NKAIN2: variants seen among roughly 807,000 people sequenced by gnomAD.
NKAIN2 encodes the protein sodium/potassium-transporting ATPase subunit beta-1-interacting protein 2.
Under a neutral mutation model 32.6 loss-of-function variants are expected in NKAIN2, and 14 were observed. The ratio of observed to expected loss-of-function variants is 0.43; its 90% CI spans 0.28 to 0.67. The LOEUF (loss-of-function observed/expected upper bound fraction) is 0.67, where lower values mean the gene tolerates loss of function less well. Among genes scored for constraint, NKAIN2 ranks in the 30% least tolerant of loss-of-function variants. The pLI, the probability that NKAIN2 is intolerant of heterozygous loss-of-function variation, is 0.17. For missense variants in NKAIN2, 198 were observed against 258.3 expected (o/e 0.77, Z 1.60); for synonymous variants, 80 against 87.2 (o/e 0.92, Z 0.46).
chr6:124,336,461 A>G lies in NKAIN2; in HGVS notation c.193-18806A>G, dbSNP rs1255614516. Among the ~76,000 whole-genome samples, 6 of 152,232 alleles carry G rather than the reference A, an allele frequency of 3.9e-5. No individual in the cohort carries two copies. The South Asian group carries it at 1.0e-3, about 26-fold the overall frequency. ...TTTTTCTCCTGCCTAGTGCCTTTCT[A>G]TGTGTCTAATGTGTTACTTTGTGGG... is the stretch of plus-strand genomic sequence containing the variant. On this transcript the variant is annotated intron_variant, in intron 2 of 6. Coordinates refer to ENST00000368417, the MANE Select transcript of NKAIN2 (RefSeq NM_001040214.3).
At chr6:123,873,928 TTTG>T (rs1773036923) in intron 1 of NKAIN2, among the ~76,000 whole-genome samples, 1 of 150,288 alleles carries the variant, frequency 6.7e-6, no homozygotes, top group Non-Finnish European at 1.5e-5. Flanking sequence ...CCTTTTCCTG[TTTG>T]TTTATTTATT....
At chr6:124,200,468 C>A (rs2114623164) in intron 1 of NKAIN2, among the ~76,000 whole-genome samples, 1 of 152,138 alleles carries the variant, frequency 6.6e-6, no homozygotes, top group South Asian at 2.1e-4. Flanking sequence ...GCTGTGAGTT[C>A]ATCATCATTA....
At chr6:124,414,646 G>A (rs1022158190) in intron 3 of NKAIN2, among the ~76,000 whole-genome samples, 4 of 151,802 alleles carry the variant, frequency 2.6e-5, no homozygotes, top group African/African-American at 9.7e-5. Flanking sequence ...TTTATTTTTG[G>A]GAAAATTTTT....
At chr6:124,496,409 A>G (rs1778065040) in intron 3 of NKAIN2, among the ~76,000 whole-genome samples, 1 of 152,182 alleles carries the variant, frequency 6.6e-6, no homozygotes, top group South Asian at 2.1e-4. Flanking sequence ...GTAGGTACCA[A>G]GGAAGATATA....
At chr6:123,860,653 T>C (rs776252975) in intron 1 of NKAIN2, among the ~76,000 whole-genome samples, 2 of 152,204 alleles carry the variant, frequency 1.3e-5, no homozygotes, top group African/African-American at 4.8e-5. Context: ...CCAAGTATTC[T>C]GTCCCCCTTG....
chr6:123,837,307 T>A (rs1272800101), intron 1 of NKAIN2, among the ~76,000 whole-genome samples: 1 of 152,100 alleles, frequency 6.6e-6, no homozygotes, highest in African/African-American at 2.4e-5. Flanking sequence ...CAAATAGGAT[T>A]TCCAATTATT....
At chr6:124,373,108 G>A (rs1027129676) in intron 3 of NKAIN2, among the ~76,000 whole-genome samples, 4 of 152,144 alleles carry the variant, frequency 2.6e-5, no homozygotes, top group Non-Finnish European at 4.4e-5. Context: ...TTTTGGCTTT[G>A]ATTGAGAAAG....
chr6:124,103,883 C>G (rs35739326), intron 1 of NKAIN2, among the ~76,000 whole-genome samples: 1 of 151,956 alleles, frequency 6.6e-6, no homozygotes, highest in African/African-American at 2.4e-5. Context: ...ATCAGGAGAT[C>G]GAGACCATCC....
chr6:124,290,510 ATGTGTGTGTGTGTGTGTGTGTGTGTG>A (rs56389666), intron 2 of NKAIN2, among the ~76,000 whole-genome samples: 1 of 137,786 alleles, frequency 7.3e-6, no homozygotes, highest in East Asian at 2.2e-4. Flanking sequence ...TACCTCAGAA[ATGTGTGTGTGTGTGTGTGTGTGTGTG>A]TGTGTGTGTG....
At chr6:124,286,684 G>A (rs1398993521) in intron 2 of NKAIN2, among the ~76,000 whole-genome samples, 10 of 104,720 alleles carry the variant, frequency 9.5e-5, no homozygotes, top group African/African-American at 9.2e-4. Flanking sequence ...GCGCGCGCGT[G>A]TGTGTGTGTG....
intron 3 of NKAIN2, among the ~76,000 whole-genome samples, chr6:124,650,576 A>G (rs188109219): frequency 6.6e-6 from 1 of 152,282 alleles, no homozygotes; most frequent in East Asian, 1.9e-4. Flanking sequence ...ACAGGGAGAT[A>G]TATGAGGGGA....
At chr6:124,582,774 T>G (rs1781569914) in intron 3 of NKAIN2, among the ~76,000 whole-genome samples, 1 of 152,208 alleles carries the variant, frequency 6.6e-6, no homozygotes, top group Non-Finnish European at 1.5e-5. Context: ...TCATTCATCA[T>G]GATCGAGTGG....
chr6:124,459,085 G>A (rs374564891), intron 3 of NKAIN2, among the ~76,000 whole-genome samples: 21 of 151,886 alleles, frequency 1.4e-4, no homozygotes, highest in East Asian at 1.4e-3. Flanking sequence ...ATGTGGGTAC[G>A]CTAAAATTCC....
Position 124,777,766 on chromosome 6 carries a change from T to C in NKAIN2, c.475-13573T>C, listed in dbSNP as rs141982920. 2.9e-3 allele frequency among the ~76,000 whole-genome samples: 445 copies of C among 152,218 alleles called. 5 individuals carry two copies. The highest frequency in any genetic ancestry group is 9.8e-3 in the African/African-American group (409 of 41,526). On this transcript the variant is annotated intron_variant, in intron 4 of 6. Transcript: ENST00000368417. ...AAACAAATTCTAGCTGAGGACCTTT[T>C]AGAGTGGAGGAAAGAGGTGAGGTAT...
At chr6:124,569,313 A>G (rs547190119) in intron 3 of NKAIN2, among the ~76,000 whole-genome samples, 1 of 152,236 alleles carries the variant, frequency 6.6e-6, no homozygotes, top group South Asian at 2.1e-4. Context: ...TTCTACCTAA[A>G]AACCAGAAGA....
intron 1 of NKAIN2, among the ~76,000 whole-genome samples, chr6:123,824,969 G>C (rs1228027025): frequency 6.6e-6 from 1 of 152,100 alleles, no homozygotes. Flanking sequence ...GGGCTGCTGT[G>C]ACAAATGGCA....
At chr6:124,115,170 A>C (rs1244399395) in intron 1 of NKAIN2, among the ~76,000 whole-genome samples, 2 of 152,174 alleles carry the variant, frequency 1.3e-5, no homozygotes, top group Non-Finnish European at 2.9e-5. Flanking sequence ...GTTAGGCTAT[A>C]TATATGGAAT....
intron 3 of NKAIN2, among the ~76,000 whole-genome samples, chr6:124,513,965 G>C (rs1305650957): frequency 6.6e-6 from 1 of 152,152 alleles, no homozygotes; most frequent in East Asian, 1.9e-4. Flanking sequence ...CTTAGGCCTT[G>C]ATCCAAGCAG....
At chr6:123,849,289 C>G (rs1463668046) in intron 1 of NKAIN2, among the ~76,000 whole-genome samples, 1 of 152,114 alleles carries the variant, frequency 6.6e-6, no homozygotes, top group Admixed American at 6.6e-5. Flanking sequence ...TGAGGTAATT[C>G]ATGTAAAAAT....
Sources: gnomAD v4.1 joint callset for allele counts (sites outside exome capture counted in the v4.1 genomes callset) on GRCh38, gnomAD v4.1.1 for gene constraint, MANE v1.5 for transcripts, NCBI Gene and HGNC (gene_info 2026-07-23, HGNC 2026-07-21) for gene names.